EXOC6B: variants seen among roughly 807,000 people sequenced by gnomAD.
EXOC6B encodes the protein SEC15 homolog B.
In EXOC6B, 54 loss-of-function variants were observed where a neutral mutation model predicts 113.5. The ratio of observed to expected loss-of-function variants is 0.48; its 90% CI spans 0.38 to 0.60. The LOEUF (loss-of-function observed/expected upper bound fraction) is 0.60, where lower values mean the gene tolerates loss of function less well. Ranked by LOEUF, EXOC6B falls within the 20% of genes least tolerant of loss-of-function variation. EXOC6B has a pLI of 0.00. For missense variants in EXOC6B, 797 were observed against 977.5 expected (o/e 0.82, Z 2.46); for synonymous variants, 357 against 339.0 (o/e 1.05, Z -0.58).
chr2:72,662,187 T>G (rs1426946889), intron 6 of EXOC6B, among the ~76,000 whole-genome samples: 2 of 152,016 alleles, frequency 1.3e-5, no homozygotes, highest in Non-Finnish European at 2.9e-5. Context: ...ATCTTACACC[T>G]CACATGAAAA....
intron 7 of EXOC6B, among the ~76,000 whole-genome samples, chr2:72,566,012 G>A (rs188690999): frequency 7.0e-6 from 1 of 143,758 alleles, no homozygotes; most frequent in East Asian, 2.0e-4. Context: ...GTTTTGTTTT[G>A]TTTTTTTTTT....
intron 20 of EXOC6B, among the ~76,000 whole-genome samples, chr2:72,208,301 A>G (rs941122291): frequency 6.6e-6 from 1 of 151,636 alleles, no homozygotes; most frequent in South Asian, 2.1e-4. Flanking sequence ...TGTGAGCTCA[A>G]TGTTTTGTTC....
At chr2:72,616,220 T>C (rs182871233) in intron 6 of EXOC6B, among the ~76,000 whole-genome samples, 1 of 152,188 alleles carries the variant, frequency 6.6e-6, no homozygotes. Flanking sequence ...CCTAGAGATT[T>C]AATGCAGTCT....
At chr2:72,519,077 A>G (rs1323098935) in intron 8 of EXOC6B, among the ~76,000 whole-genome samples, 1 of 152,186 alleles carries the variant, frequency 6.6e-6, no homozygotes, top group Non-Finnish European at 1.5e-5. Context: ...GAATTTGCCT[A>G]CTTGCTAAAA....
intron 20 of EXOC6B, among the ~76,000 whole-genome samples, chr2:72,213,547 C>T (rs1351109467): frequency 6.6e-6 from 1 of 152,078 alleles, no homozygotes; most frequent in Non-Finnish European, 1.5e-5. Flanking sequence ...AATGAATTGC[C>T]TTAGAATCTC....
chr2:72,558,965 A>G (rs568059481), intron 8 of EXOC6B, among the ~76,000 whole-genome samples: 19 of 152,146 alleles, frequency 1.2e-4, no homozygotes, highest in African/African-American at 4.6e-4. Context: ...CTTTCTGTGT[A>G]TCTATGTGTC....
At chr2:72,551,122 T>G (rs533419450) in intron 8 of EXOC6B, among the ~76,000 whole-genome samples, 163 of 152,288 alleles carry the variant, frequency 1.1e-3, no homozygotes, top group African/African-American at 3.8e-3. Flanking sequence ...CCTAACAACA[T>G]ACAACTAGTA....
chr2:72,579,635 G>A (rs1204977181), intron 6 of EXOC6B, among the ~76,000 whole-genome samples: 2 of 152,142 alleles, frequency 1.3e-5, no homozygotes, highest in Non-Finnish European at 2.9e-5. Flanking sequence ...TGTCTATGAG[G>A]CATCTTACAC....
At chr2:72,722,403 C>A (rs1420577699) in intron 5 of EXOC6B, among the ~76,000 whole-genome samples, 4 of 152,112 alleles carry the variant, frequency 2.6e-5, no homozygotes, top group African/African-American at 4.8e-5. Context: ...TCTTCTTGCT[C>A]TAATGAATTT....
intron 19 of EXOC6B, among the ~76,000 whole-genome samples, chr2:72,355,373 T>C (rs1263318063): frequency 6.6e-6 from 1 of 152,168 alleles, no homozygotes; most frequent in Non-Finnish European, 1.5e-5. Context: ...GAAGAAGGTA[T>C]GCTCTAACAA....
chr2:72,345,516 C>T (rs892897171), intron 19 of EXOC6B, among the ~76,000 whole-genome samples: 7 of 151,918 alleles, frequency 4.6e-5, no homozygotes, highest in African/African-American at 1.7e-4. Context: ...AATGGGCTAT[C>T]AAGCTATGAA....
chr2:72,803,379 A>G (rs1481659960), intron 1 of EXOC6B, among the ~76,000 whole-genome samples: 1 of 152,132 alleles, frequency 6.6e-6, no homozygotes, highest in African/African-American at 2.4e-5. Flanking sequence ...AGTAATAACC[A>G]AATCTCTGGC....
intron 6 of EXOC6B, among the ~76,000 whole-genome samples, chr2:72,603,093 GT>G (rs970041225): frequency 3.0e-4 from 41 of 136,484 alleles, no homozygotes; most frequent in East Asian, 6.3e-4. Context: ...TTTTTTGGTT[GT>G]TTTTTTTTTT....
intron 1 of EXOC6B, among the ~76,000 whole-genome samples, chr2:72,801,857 C>A (rs1257214045): frequency 9.8e-5 from 15 of 152,314 alleles, no homozygotes; most frequent in African/African-American, 3.4e-4. Flanking sequence ...AAAACCATTT[C>A]ATTTTATAGG....
At chr2:72,529,411 T>A (rs1259031089) in intron 8 of EXOC6B, among the ~76,000 whole-genome samples, 1 of 152,218 alleles carries the variant, frequency 6.6e-6, no homozygotes, top group Non-Finnish European at 1.5e-5. Flanking sequence ...ACAAGGAATA[T>A]TAATCTGTAG....
In EXOC6B at chr2:72,495,353, AAAAGTT is replaced by A. The variant is rs1699980584; in HGVS notation, c.1553+71_1553+76del. The A allele has an allele frequency of 1.4e-4, 115 of 804,558 alleles. 1 individual carries two copies. In the South Asian group the frequency reaches 2.2e-3, roughly 15 times the overall value. The allele number at this position is 804,558 out of a possible 1,614,324, so 49.8% of individuals were successfully genotyped here. A position where few individuals can be genotyped will look rare whatever the true frequency, so the allele number is the denominator to read the frequency against. ...CAAAATCAGGGCTGACGGGACTATC[AAAAGTT>A]TTTCAGAATATGTAAATACATGGAG... On this transcript the variant is annotated intron_variant, in intron 15 of 21. Transcript: ENST00000272427.
At chr2:72,700,843 C>A (rs113934901) in intron 6 of EXOC6B, among the ~76,000 whole-genome samples, 1 of 152,004 alleles carries the variant, frequency 6.6e-6, no homozygotes, top group African/African-American at 2.4e-5. Flanking sequence ...CCCAGCTACT[C>A]GGGAGGCTGA....
chr2:72,337,338 C>G (rs1387602993), intron 19 of EXOC6B, among the ~76,000 whole-genome samples: 1 of 152,118 alleles, frequency 6.6e-6, no homozygotes, highest in Non-Finnish European at 1.5e-5. Flanking sequence ...TATGCTGTAT[C>G]ACTTGAAGCA....
At chr2:72,767,808 T>TAAACAAAAAAAAAAAAAAAAAAAA (rs1683162442) in intron 1 of EXOC6B, among the ~76,000 whole-genome samples, 1 of 12,680 alleles carries the variant, frequency 7.9e-5, no homozygotes, top group African/African-American at 3.0e-4. Flanking sequence ...GAGACCTTGT[T>TAAACAAAAAAAAAAAAAAAAAAAA]AAAAAAAAAA....
Sources: allele counts gnomAD v4.1 joint callset (sites outside exome capture counted in the v4.1 genomes callset), GRCh38; gene constraint gnomAD v4.1.1; transcripts MANE v1.5; gene names NCBI Gene and HGNC (gene_info 2026-07-23, HGNC 2026-07-21).